Variants in TEX36 observed in about 807,000 individuals in gnomAD.
TEX36 encodes the protein testis expressed 36.
TEX36 carries 12 observed loss-of-function variants against 13.6 expected under a neutral mutation model. That is an observed-to-expected ratio of 0.88 (90% CI 0.56 to 1.43). The LOEUF is 1.43. Ranked by LOEUF, TEX36 falls within the 40% of genes most tolerant of loss-of-function variation. The probability of loss-of-function intolerance (pLI) is 0.00; values close to 1 mark genes in which losing one functional copy is unlikely to be tolerated. For synonymous variants in TEX36, 93 were observed against 83.0 expected (o/e 1.12, Z -0.65); for missense variants, 224 against 228.3 (o/e 0.98, Z 0.12).
intron 3 of TEX36, among the ~76,000 whole-genome samples, chr10:125,637,475 A>G (rs1417120598): frequency 6.6e-6 from 1 of 152,118 alleles, no homozygotes; most frequent in Non-Finnish European, 1.5e-5. Context: ...TTCTTTATCC[A>G]TTCACCTGTT....
chr10:125,647,630 T>C (rs754287156), intron 3 of TEX36, among the ~76,000 whole-genome samples: 4 of 152,190 alleles, frequency 2.6e-5, no homozygotes, highest in Non-Finnish European at 5.9e-5. Flanking sequence ...GATTTCTACA[T>C]TTCCAACTGA....
chr10:125,643,465 C>T lies in TEX36; in HGVS notation c.264+17556G>A, dbSNP rs569842779. Among the ~76,000 whole-genome samples, 4 of 152,044 alleles carry T rather than the reference C, an allele frequency of 2.6e-5. No homozygotes were observed. In the East Asian group the frequency reaches 5.8e-4, roughly 22 times the overall value. On this transcript the variant is annotated intron_variant, in intron 3 of 3. Coordinates refer to the TEX36 transcript ENST00000526819. Reference sequence around the variant, plus strand: ...TCTACTAAAAATACAAAAATTAGGCCGGGCACGATGGCTCATGCCTGTAAT... The same window carrying T: ...TCTACTAAAAATACAAAAATTAGGCTGGGCACGATGGCTCATGCCTGTAAT...
At chr10:125,633,153 C>T (rs1296611058) in intron 3 of TEX36, among the ~76,000 whole-genome samples, 2 of 152,126 alleles carry the variant, frequency 1.3e-5, no homozygotes, top group South Asian at 2.1e-4. Context: ...GCATACTTCA[C>T]TTCATTGCCT....
rs267602406 is a variant in TEX36, at chr10:125,682,965, G to T, written c.25C>A (p.Pro9Thr). The T allele has an allele frequency of 1.5e-4, 231 of 1,551,620 alleles. No individual in the cohort carries two copies. The highest frequency in any genetic ancestry group is 1.8e-4 in the Non-Finnish European group (207 of 1,146,998). Residue 9 changes from proline to threonine, a missense_variant, in exon 1 of 4, where the codon CCA becomes ACA. Physicochemically the swap from Pro to Thr is conservative, Grantham distance 38. Transcript: ENST00000368821. Reference protein sequence around the residue: MTKGRRFNPPSDKDGRWFP... With the variant: MTKGRRFNTPSDKDGRWFP... ...CATCTCCCATCCTTGTCTGAAGGTG[G>T]GTTGAAGCGTCGCCCTTTGGTCATT...
intron 3 of TEX36, among the ~76,000 whole-genome samples, chr10:125,624,350 G>T (rs1370834956): frequency 6.6e-6 from 1 of 152,216 alleles, no homozygotes; most frequent in African/African-American, 2.4e-5. Context: ...GTTGAGTGTT[G>T]GGGGTAGTCA....
At chr10:125,645,995 A>C (rs1846762127) in intron 3 of TEX36, among the ~76,000 whole-genome samples, 1 of 152,222 alleles carries the variant, frequency 6.6e-6, no homozygotes, top group African/African-American at 2.4e-5. Context: ...ATAACAACAA[A>C]AGAAAAAATC....
At chr10:125,633,478 T>C (rs1034404249) in intron 3 of TEX36, among the ~76,000 whole-genome samples, 3 of 152,208 alleles carry the variant, frequency 2.0e-5, no homozygotes, top group African/African-American at 7.2e-5. Flanking sequence ...AAACATTCCA[T>C]TGTAAAACCT....
intron 3 of TEX36, among the ~76,000 whole-genome samples, chr10:125,601,073 G>C (rs750153185): frequency 6.6e-6 from 1 of 152,198 alleles, no homozygotes; most frequent in Non-Finnish European, 1.5e-5. Flanking sequence ...CTCTCTGGTT[G>C]AAATAGAAGA....
chr10:125,667,087 T>C lies in TEX36; in HGVS notation c.52-5110A>G, dbSNP rs1438683783. ...AGGAGAAGGTCACAGGGAGCACTTGTTAATGGCGTTGAGGTTGATGGATGC... is the reference window on the plus strand; with the variant it reads ...AGGAGAAGGTCACAGGGAGCACTTGCTAATGGCGTTGAGGTTGATGGATGC... On this transcript the variant is annotated intron_variant, in intron 1 of 3. Coordinates refer to ENST00000368821, the MANE Select transcript of TEX36 (RefSeq NM_001128202.3). The C allele has an allele frequency of 1.7e-5, 19 of 1,108,384 alleles. No homozygotes were observed. The East Asian group carries it at 2.3e-4, about 13-fold the overall frequency. 68.7% of individuals were successfully genotyped at this position (1,108,384 alleles called of 1,614,324 possible).
At chr10:125,651,845 C>T (rs1234088543), downstream of TEX36, among the ~76,000 whole-genome samples, 1 of 152,170 alleles carries the variant, frequency 6.6e-6, no homozygotes, top group Non-Finnish European at 1.5e-5. Flanking sequence ...CATTCCTATA[C>T]ATCAATAACA....
chr10:125,597,124 A>G (rs967342342), intron 3 of TEX36, among the ~76,000 whole-genome samples: 2 of 152,214 alleles, frequency 1.3e-5, no homozygotes, highest in Non-Finnish European at 2.9e-5. Context: ...TGACTTCACC[A>G]TCGCTTAGAG....
intron 3 of TEX36, among the ~76,000 whole-genome samples, chr10:125,600,329 G>A (rs922200368): frequency 2.6e-5 from 4 of 152,084 alleles, no homozygotes; most frequent in African/African-American, 9.7e-5. Context: ...GTAGAGACTG[G>A]GGAGCTAGGG....
At chr10:125,656,711 G>A (rs1313125921) in intron 3 of TEX36, among the ~76,000 whole-genome samples, 1 of 152,072 alleles carries the variant, frequency 6.6e-6, no homozygotes, top group Non-Finnish European at 1.5e-5. Flanking sequence ...TTCTGTTATT[G>A]TCCTCACAGT....
intron 3 of TEX36, among the ~76,000 whole-genome samples, chr10:125,607,860 G>A (rs563208881): frequency 2.0e-5 from 3 of 152,202 alleles, no homozygotes; most frequent in Non-Finnish European, 4.4e-5. Context: ...ACCCTGTCTC[G>A]AGTTTGGACT....
At chr10:125,623,677 G>T (rs961788536) in intron 3 of TEX36, among the ~76,000 whole-genome samples, 2 of 152,128 alleles carry the variant, frequency 1.3e-5, no homozygotes, top group Non-Finnish European at 2.9e-5. Context: ...GGACTGATGG[G>T]TAGGTCTGAA....
chr10:125,654,156 A>G (rs904411983), downstream of TEX36, among the ~76,000 whole-genome samples: 1 of 152,120 alleles, frequency 6.6e-6, no homozygotes, highest in Non-Finnish European at 1.5e-5. Flanking sequence ...ATCAACTGAA[A>G]CATTATTAGA....
intron 3 of TEX36, among the ~76,000 whole-genome samples, chr10:125,643,840 A>T (rs1234741173): frequency 6.6e-6 from 1 of 152,204 alleles, no homozygotes; most frequent in Non-Finnish European, 1.5e-5. Flanking sequence ...TTGCCTGAAT[A>T]GGCAGAGATT....
At chr10:125,595,813 CT>C (rs2133537193) in intron 3 of TEX36, among the ~76,000 whole-genome samples, 1 of 152,302 alleles carries the variant, frequency 6.6e-6, no homozygotes. Flanking sequence ...GTTTACTTCT[CT>C]GCCTAGTACA....
intron 3 of TEX36, among the ~76,000 whole-genome samples, chr10:125,615,617 A>G (rs926812355): frequency 2.6e-5 from 4 of 151,116 alleles, no homozygotes; most frequent in Non-Finnish European, 5.9e-5. Context: ...CCAGCCTTGC[A>G]TCCCAGGGAT....
Sources: gnomAD v4.1 joint callset for allele counts (sites outside exome capture counted in the v4.1 genomes callset) on GRCh38, gnomAD v4.1.1 for gene constraint, MANE v1.5 for transcripts, NCBI Gene and HGNC (gene_info 2026-07-23, HGNC 2026-07-21) for gene names.